The following KAZN variants were observed in gnomAD, a reference collection of about 807,000 sequenced individuals.
KAZN encodes kazrin.
In KAZN, 40 loss-of-function variants were observed where a neutral mutation model predicts 87.4. The observed-to-expected ratio is 0.46, with a 90% CI of 0.36 to 0.60. The LOEUF is 0.60. Among genes scored for constraint, KAZN ranks in the 20% least tolerant of loss-of-function variants. KAZN has a pLI of 0.00. For missense variants in KAZN, 898 were observed against 1,073.9 expected (o/e 0.84, Z 2.29); for synonymous variants, 466 against 458.3 (o/e 1.02, Z -0.22).
chr1:14,973,654 A>G (rs59788960), intron 2 of KAZN, among the ~76,000 whole-genome samples: 14,487 of 152,210 alleles, frequency 0.095, 774 homozygotes, highest in Middle Eastern at 0.17. Context: ...GCTGGTACTG[A>G]TAACGCTTGG....
At chr1:14,435,310 G>C (rs1164788076) in intron 2 of KAZN, among the ~76,000 whole-genome samples, 1 of 152,146 alleles carries the variant, frequency 6.6e-6, no homozygotes, top group Non-Finnish European at 1.5e-5. Flanking sequence ...TCTGGCACTC[G>C]CTAATGATGA....
chr1:13,904,160 C>T (rs1352088023), intron 1 of KAZN, among the ~76,000 whole-genome samples: 1 of 152,118 alleles, frequency 6.6e-6, no homozygotes, highest in African/African-American at 2.4e-5. Flanking sequence ...GGCAAGGGAG[C>T]AGAGGATGGA....
At chr1:14,088,955 A>AT (rs34377005) in intron 1 of KAZN, among the ~76,000 whole-genome samples, 25,464 of 142,504 alleles carry the variant, frequency 0.18, 2,980 homozygotes, top group East Asian at 0.66. Flanking sequence ...CATCATTCTA[A>AT]TTTTTTTTTT....
intron 2 of KAZN, among the ~76,000 whole-genome samples, chr1:14,423,551 C>T (rs890580849): frequency 6.6e-6 from 1 of 152,144 alleles, no homozygotes; most frequent in African/African-American, 2.4e-5. Flanking sequence ...ACAGTACATG[C>T]AATAGCCGTG....
chr1:13,996,976 G>C (rs923980094), intron 1 of KAZN, among the ~76,000 whole-genome samples: 1 of 152,146 alleles, frequency 6.6e-6, no homozygotes, highest in Non-Finnish European at 1.5e-5. Flanking sequence ...GGTGCCCCTC[G>C]AGGTCAGAGA....
At chr1:14,082,892 T>C (rs1643733708) in intron 1 of KAZN, among the ~76,000 whole-genome samples, 1 of 152,098 alleles carries the variant, frequency 6.6e-6, no homozygotes, top group African/African-American at 2.4e-5. Context: ...TTTCAAGAAA[T>C]ATAATTAGAA....
In KAZN at chr1:13,932,843, C is replaced by T. The variant is rs116513311; in HGVS notation, c.91+39087C>T. The stretch of plus-strand genomic sequence containing the variant: ...GCATGTATCTTTTTCTTCTGACAGG[C>T]TCACTTAATAATTTTCTAAAATGAG... On this transcript the variant is annotated intron_variant, in intron 1 of 16. Coordinates refer to the KAZN transcript ENST00000636203. Among the ~76,000 whole-genome samples, 1,206 of 152,236 alleles carry T rather than the reference C, an allele frequency of 7.9e-3. 13 individuals are homozygous for T. Among genetic ancestry groups the T allele is most frequent in the African/African-American group, 0.027 (1,107 of 41,546 alleles).
chr1:14,910,717 A>G (rs910045366), intron 1 of KAZN, among the ~76,000 whole-genome samples: 1 of 152,166 alleles, frequency 6.6e-6, no homozygotes, highest in Admixed American at 6.5e-5. Flanking sequence ...AACAGTGAAG[A>G]TGGCCGGCAT....
At chr1:13,990,814 A>G (rs1216730389) in intron 1 of KAZN, among the ~76,000 whole-genome samples, 1 of 152,220 alleles carries the variant, frequency 6.6e-6, no homozygotes, top group Non-Finnish European at 1.5e-5. Context: ...TACCTGCGAT[A>G]AAGCAAGTGC....
intron 2 of KAZN, among the ~76,000 whole-genome samples, chr1:14,514,481 A>G (rs1329022672): frequency 4.1e-4 from 2 of 4,894 alleles, no homozygotes; most frequent in African/African-American, 7.0e-4. Flanking sequence ...AATATTTTAT[A>G]TAAATATTTA....
intron 1 of KAZN, among the ~76,000 whole-genome samples, chr1:14,679,719 G>A (rs548463817): frequency 6.6e-6 from 1 of 152,296 alleles, no homozygotes; most frequent in African/African-American, 2.4e-5. Context: ...CATCCCCATT[G>A]TTCAGATAGG....
intron 2 of KAZN, among the ~76,000 whole-genome samples, chr1:14,976,120 C>CACGGCCGCACACTGT (rs71306998): frequency 6.6e-6 from 1 of 151,578 alleles, no homozygotes; most frequent in Non-Finnish European, 1.5e-5. Context: ...CCGCACACTG[C>CACGGCCGCACACTGT]GAGCCTGTTG....
At chr1:14,566,726 C>T (rs1674570309) in intron 2 of KAZN, among the ~76,000 whole-genome samples, 1 of 152,362 alleles carries the variant, frequency 6.6e-6, no homozygotes, top group South Asian at 2.1e-4. Context: ...TCACCTTGAA[C>T]TTTTATGTTA....
rs543199795 is a variant in KAZN, at chr1:14,386,449, TAC to T, written c.249+205858_249+205859del. On this transcript the variant is annotated intron_variant, in intron 2 of 16. Transcript: ENST00000636203. The stretch of plus-strand genomic sequence containing the variant: ...TTTGGCATGATTTTGCAGTGGCTGG[TAC>T]CAGTTGTTCCTTTCCATGTTTAGCA... Among the ~76,000 whole-genome samples the T allele has an allele frequency of 6.4e-3, 970 of 152,262 alleles. 8 individuals carry two copies. The highest frequency in any genetic ancestry group is 0.022 in the African/African-American group (930 of 41,544).
intron 1 of KAZN, among the ~76,000 whole-genome samples, chr1:14,052,808 C>A (rs994352645): frequency 6.6e-6 from 1 of 152,146 alleles, no homozygotes; most frequent in Non-Finnish European, 1.5e-5. Flanking sequence ...GATTCCTGTG[C>A]GTATTCTAAC....
intron 1 of KAZN, among the ~76,000 whole-genome samples, chr1:14,881,870 G>A (rs1281034769): frequency 6.6e-6 from 1 of 152,194 alleles, no homozygotes; most frequent in Admixed American, 6.5e-5. Context: ...AGGTGCTGCT[G>A]GCTATGGTGG....
At chr1:14,229,809 A>G (rs889363916) in intron 2 of KAZN, among the ~76,000 whole-genome samples, 1 of 152,270 alleles carries the variant, frequency 6.6e-6, no homozygotes, top group African/African-American at 2.4e-5. Context: ...AGATGTTCTG[A>G]AAAATTGAGT....
At chr1:14,721,110 C>A (rs967699780) in intron 1 of KAZN, among the ~76,000 whole-genome samples, 1 of 152,198 alleles carries the variant, frequency 6.6e-6, no homozygotes, top group African/African-American at 2.4e-5. Flanking sequence ...TAACAGAGAA[C>A]CATGAAGCCC....
chr1:14,733,267 T>A (rs1334953642), intron 1 of KAZN, among the ~76,000 whole-genome samples: 2 of 152,046 alleles, frequency 1.3e-5, no homozygotes, highest in Non-Finnish European at 2.9e-5. Context: ...GGAGTTACCA[T>A]GAAAGCAAGT....
Sources: gnomAD v4.1 joint callset for allele counts (sites outside exome capture counted in the v4.1 genomes callset) on GRCh38, gnomAD v4.1.1 for gene constraint, MANE v1.5 for transcripts, NCBI Gene and HGNC (gene_info 2026-07-23, HGNC 2026-07-21) for gene names.